The following FGF14 variants were observed in gnomAD, a reference collection of about 807,000 sequenced individuals.
FGF14 encodes fibroblast growth factor 14, also known as fibroblast growth factor homologous factor 4.
FGF14 carries 5 observed loss-of-function variants against 25.5 expected under a neutral mutation model. The observed-to-expected ratio is 0.20, with a 90% CI of 0.10 to 0.41. FGF14 has a LOEUF of 0.41. FGF14 is among the 10% of genes least tolerant of loss of function. FGF14 has a pLI of 1.00. For synonymous variants in FGF14, 138 were observed against 118.3 expected (o/e 1.17, Z -1.08); for missense variants, 222 against 320.1 (o/e 0.69, Z 2.34).
intron 3 of FGF14, among the ~76,000 whole-genome samples, chr13:101,853,259 G>A (rs2043950618): frequency 6.6e-6 from 1 of 152,000 alleles, no homozygotes; most frequent in Admixed American, 6.6e-5. Flanking sequence ...TGTCTATTCT[G>A]GTTCATGGGG....
chr13:101,788,959 G>C (rs1270433106), intron 3 of FGF14, among the ~76,000 whole-genome samples: 676 of 32,630 alleles, frequency 0.021, 1 homozygote, highest in African/African-American at 0.037. Context: ...CAGAGAGAGA[G>C]AGAGAGAGAG....
rs1025286167 is a variant in FGF14, at chr13:102,312,213, G to C, written c.208+89258C>G. Among the ~76,000 whole-genome samples, 4 of 97,170 alleles carry C rather than the reference G, an allele frequency of 4.1e-5. No homozygotes were observed. In the East Asian group the frequency reaches 1.2e-3, roughly 29 times the overall value. The allele number at this position is 97,170 out of a possible 152,430, so 63.7% of individuals were successfully genotyped here. On this transcript the variant is annotated intron_variant, in intron 1 of 4. Transcript: ENST00000376131. Reference sequence around the variant, plus strand: ...TTTATTACATAATGAACAAGTACAAGACCTAAACCAAAAAAAAAAAAAAAA... The same window carrying C: ...TTTATTACATAATGAACAAGTACAACACCTAAACCAAAAAAAAAAAAAAAA...
intron 1 of FGF14, among the ~76,000 whole-genome samples, chr13:102,380,543 G>A (rs2058159184): frequency 6.6e-6 from 1 of 152,084 alleles, no homozygotes; most frequent in African/African-American, 2.4e-5. Context: ...TGATGACAGG[G>A]CTTTAATCTA....
At chr13:101,932,579 G>A (rs965520506) in intron 1 of FGF14, among the ~76,000 whole-genome samples, 3 of 142,088 alleles carry the variant, frequency 2.1e-5, no homozygotes, top group African/African-American at 8.2e-5. Flanking sequence ...CATAAAACTC[G>A]ATAATAAAAT....
chr13:101,825,628 G>C lies in FGF14; in HGVS notation c.408+43097C>G, dbSNP rs574373052. 2.0e-4 allele frequency among the ~76,000 whole-genome samples: 30 copies of C among 152,238 alleles called. No individual in the cohort carries two copies. In the South Asian group the frequency reaches 6.2e-3, roughly 32 times the overall value. ...CACTCAGATATAAAGCATGCATACT[G>C]AATCAGATTTTGAGGTGTAAATATC... On this transcript the variant is annotated intron_variant, in intron 3 of 4. Coordinates refer to ENST00000376143, the MANE Select transcript of FGF14 (RefSeq NM_004115.4).
chr13:102,180,312 T>C (rs1208725783), intron 1 of FGF14, among the ~76,000 whole-genome samples: 2 of 152,072 alleles, frequency 1.3e-5, no homozygotes, highest in South Asian at 2.1e-4. Context: ...GCTATTTTCA[T>C]TACTTTTTAC....
At chr13:102,395,156 A>G (rs985103239) in intron 1 of FGF14, 2 of 152,254 alleles carry the variant, frequency 1.3e-5, no homozygotes, top group African/African-American at 4.8e-5. Context: ...ACTCCGTCCA[A>G]AGCAACTGGA....
At chr13:102,193,546 T>C (rs1566801996) in intron 1 of FGF14, among the ~76,000 whole-genome samples, 1 of 151,900 alleles carries the variant, frequency 6.6e-6, no homozygotes, top group Non-Finnish European at 1.5e-5. Context: ...GGTAACAGAG[T>C]TTTCAACTGC....
intron 1 of FGF14, among the ~76,000 whole-genome samples, chr13:102,341,294 A>C (rs902062228): frequency 3.9e-5 from 6 of 152,216 alleles, no homozygotes; most frequent in African/African-American, 1.4e-4. Flanking sequence ...CAAATAAAAA[A>C]GAAAGAAAAA....
At chr13:102,080,536 T>C (rs901529277) in intron 1 of FGF14, among the ~76,000 whole-genome samples, 1 of 152,356 alleles carries the variant, frequency 6.6e-6, no homozygotes, top group East Asian at 1.9e-4. Context: ...GGATATTTAA[T>C]AATCACTCTC....
chr13:102,346,652 A>G (rs1471000142), intron 1 of FGF14, among the ~76,000 whole-genome samples: 1 of 152,184 alleles, frequency 6.6e-6, no homozygotes, highest in African/African-American at 2.4e-5. Context: ...ATATGCATAT[A>G]TATCAATAAA....
At chr13:102,233,006 C>G (rs1344853008) in intron 1 of FGF14, among the ~76,000 whole-genome samples, 1 of 152,168 alleles carries the variant, frequency 6.6e-6, no homozygotes, top group Admixed American at 6.5e-5. Context: ...GCAGCCCTCC[C>G]TTCTTCCCCT....
At chr13:102,161,627 AGAAGAAGAAGAAG>A (rs2047705962) in intron 1 of FGF14, among the ~76,000 whole-genome samples, 4 of 20,840 alleles carry the variant, frequency 1.9e-4, no homozygotes, top group Non-Finnish European at 3.0e-4. Context: ...AAGAAGAAGA[AGAAGAAGAAGAAG>A]AAGAAGAAGA....
intron 1 of FGF14, among the ~76,000 whole-genome samples, chr13:102,350,092 A>C (rs1335332177): frequency 6.6e-6 from 1 of 152,232 alleles, no homozygotes; most frequent in Non-Finnish European, 1.5e-5. Context: ...ATAATAAATT[A>C]ACACACATTT....
intron 1 of FGF14, among the ~76,000 whole-genome samples, chr13:102,182,678 T>C (rs2048724966): frequency 1.3e-5 from 2 of 152,150 alleles, no homozygotes; most frequent in African/African-American, 4.8e-5. Context: ...CAAAATTTGT[T>C]GACCTCTGGT....
At chr13:102,219,994 T>C (rs1566830208) in intron 1 of FGF14, among the ~76,000 whole-genome samples, 1 of 152,130 alleles carries the variant, frequency 6.6e-6, no homozygotes, top group Non-Finnish European at 1.5e-5. Flanking sequence ...GATGTAATAA[T>C]TCCATATAAT....
At chr13:102,079,674 T>A (rs2043525919) in intron 1 of FGF14, among the ~76,000 whole-genome samples, 1 of 152,186 alleles carries the variant, frequency 6.6e-6, no homozygotes. Flanking sequence ...TCTGTGTCCA[T>A]GGAGCTCGTT....
In FGF14 at chr13:101,716,961, A is replaced by G. The variant is rs2034748197; in HGVS notation, c.*5870T>C. The stretch of plus-strand genomic sequence containing the variant: ...GACTTCCCTTACATATTTACAGGTA[A>G]ATCTACTTATACACATTAGTTTAGG... On this transcript the variant is annotated 3_prime_UTR_variant, in exon 5 of 5. Coordinates refer to ENST00000376143, the MANE Select transcript of FGF14 (RefSeq NM_004115.4). 1 of 152,098 alleles carries G rather than the reference A, an allele frequency of 6.6e-6. No individual in the cohort carries two copies. The highest frequency in any genetic ancestry group is 2.4e-5 in the African/African-American group (1 of 41,438). 9.4% of individuals were successfully genotyped at this position (152,098 alleles called of 1,614,324 possible). A position where few individuals can be genotyped will look rare whatever the true frequency, so the allele number is the denominator to read the frequency against.
rs576160845 is a variant in FGF14 at position 101,952,168 on chromosome 13, G to C, written c.209-76872C>G. Among the ~76,000 whole-genome samples, 8 of 152,026 alleles carry C rather than the reference G, an allele frequency of 5.3e-5. No individual in the cohort carries two copies. In the South Asian group the frequency reaches 1.7e-3, roughly 32 times the overall value. Reference sequence around the variant, plus strand: ...CTATGCATTATTATCCCACTTCATAGATAAGAATATGAAGGATAAGAAGAT... The same window carrying C: ...CTATGCATTATTATCCCACTTCATACATAAGAATATGAAGGATAAGAAGAT... On this transcript the variant is annotated intron_variant, in intron 1 of 4. Transcript: ENST00000376131.
Sources: gnomAD v4.1 joint callset for allele counts (sites outside exome capture counted in the v4.1 genomes callset) on GRCh38, gnomAD v4.1.1 for gene constraint, MANE v1.5 for transcripts, NCBI Gene and HGNC (gene_info 2026-07-23, HGNC 2026-07-21) for gene names.